EXT1: variants seen among roughly 807,000 people sequenced by gnomAD.
The protein encoded by EXT1 is exostosin-1.
A neutral mutation model predicts 82.5 loss-of-function variants in EXT1; 20 were observed. That is an observed-to-expected ratio of 0.24 (90% CI 0.17 to 0.35). The LOEUF (loss-of-function observed/expected upper bound fraction) is 0.35, where lower values mean the gene tolerates loss of function less well. EXT1 is among the 10% of genes least tolerant of loss of function. EXT1 has a pLI of 1.00. For missense variants in EXT1, 757 were observed against 936.5 expected (o/e 0.81, Z 2.50); for synonymous variants, 348 against 350.8 (o/e 0.99, Z 0.09).
At chr8:117,956,128 CA>C (rs1283497829) in intron 1 of EXT1, among the ~76,000 whole-genome samples, 1 of 151,400 alleles carries the variant, frequency 6.6e-6, no homozygotes, top group African/African-American at 2.4e-5. Flanking sequence ...GACAACAACA[CA>C]CACAGGAAAA....
intron 8 of EXT1, among the ~76,000 whole-genome samples, chr8:117,812,462 T>C (rs1823341441): frequency 6.6e-6 from 1 of 152,158 alleles, no homozygotes; most frequent in South Asian, 2.1e-4. Context: ...GTCTCCTAAC[T>C]GAGGCAATAG....
At chr8:117,810,309 A>G (rs1403204694) in intron 8 of EXT1, among the ~76,000 whole-genome samples, 1 of 152,190 alleles carries the variant, frequency 6.6e-6, no homozygotes, top group African/African-American at 2.4e-5. Context: ...CTATTCACCT[A>G]AAAAAAGAGA....
chr8:118,110,089 C>G lies in EXT1; in HGVS notation c.958G>C (p.Glu320Gln), dbSNP rs1483996169. 1 of 1,614,072 alleles carries G rather than the reference C, an allele frequency of 6.2e-7. No homozygotes were observed. ...SRCDRDNTEYEKYDYREMLHN... is the reference protein window; with the variant it reads ...SRCDRDNTEYQKYDYREMLHN... ...CACGCCAGCCCAGACACTTACTTCT[C>G]ATACTCGGTGTTGTCTCTGTCACAG... Residue 320 changes from glutamate to glutamine, a missense_variant, in exon 1 of 11, where the codon GAG becomes CAG. This residue lies in a region of EXT1 where 247 missense variants were observed against 330.1 expected (regional missense o/e 0.75). Transcript: ENST00000378204.
Position 117,812,258 on chromosome 8 carries a change from T to C in EXT1, c.1722+614A>G, listed in dbSNP as rs367681186. Among the ~76,000 whole-genome samples, 3 of 152,322 alleles carry C rather than the reference T, an allele frequency of 2.0e-5. No homozygotes were observed. The South Asian group carries it at 6.2e-4, about 32-fold the overall frequency. ...AGTTGTAAAAATTGGTTTTCTACCA[T>C]ATCTATCTTTCCTCCTCTCTCTCTC... is the stretch of plus-strand genomic sequence containing the variant. On this transcript the variant is annotated intron_variant, in intron 8 of 10. Transcript: ENST00000378204.
chr8:117,816,992 G>GC (rs1811832839), intron 7 of EXT1, among the ~76,000 whole-genome samples: 1 of 123,254 alleles, frequency 8.1e-6, no homozygotes, highest in African/African-American at 3.9e-5. Flanking sequence ...GCTATTCTAT[G>GC]GGGGGGATGG....
At chr8:117,821,563 G>A (rs1811924846) in intron 5 of EXT1, among the ~76,000 whole-genome samples, 1 of 152,200 alleles carries the variant, frequency 6.6e-6, no homozygotes, top group Non-Finnish European at 1.5e-5. Flanking sequence ...GTTTGGTTTG[G>A]ATTAAAAGGT....
chr8:117,872,824 G>GAAAAAAAAAAAAAAA (rs1171262675), intron 1 of EXT1, among the ~76,000 whole-genome samples: 1 of 87,426 alleles, frequency 1.1e-5, no homozygotes, highest in Non-Finnish European at 2.5e-5. Flanking sequence ...CTGAAGCAGA[G>GAAAAAAAAAAAAAAA]AAAAAAAAAA....
intron 1 of EXT1, among the ~76,000 whole-genome samples, chr8:117,985,930 T>C (rs1815307116): frequency 6.6e-6 from 1 of 152,212 alleles, no homozygotes; most frequent in African/African-American, 2.4e-5. Flanking sequence ...TGCACTGTTC[T>C]TCAACTTCAA....
intron 1 of EXT1, among the ~76,000 whole-genome samples, chr8:117,892,998 G>C (rs561469430): frequency 6.6e-6 from 1 of 152,352 alleles, no homozygotes; most frequent in South Asian, 2.1e-4. Flanking sequence ...CAAAATATCA[G>C]CATGATCTTC....
intron 1 of EXT1, among the ~76,000 whole-genome samples, chr8:118,067,281 C>T (rs2129955620): frequency 6.6e-6 from 1 of 152,348 alleles, no homozygotes; most frequent in African/African-American, 2.4e-5. Flanking sequence ...AGTACCTATA[C>T]CACCTCCAAC....
chr8:117,852,713 G>A (rs566617866), intron 1 of EXT1, among the ~76,000 whole-genome samples: 51 of 152,170 alleles, frequency 3.4e-4, no homozygotes, highest in Admixed American at 1.5e-3. Context: ...AATACTGCAG[G>A]AGACAATGAG....
At chr8:117,858,811 AGG>A (rs1353851591) in intron 1 of EXT1, among the ~76,000 whole-genome samples, 202 of 13,430 alleles carry the variant, frequency 0.015, 16 homozygotes, top group African/African-American at 0.053. Context: ...AAGGCAAGGC[AGG>A]AAGGAAGGAA....
intron 1 of EXT1, among the ~76,000 whole-genome samples, chr8:118,035,297 G>A (rs1250925567): frequency 6.6e-6 from 1 of 152,032 alleles, no homozygotes; most frequent in Non-Finnish European, 1.5e-5. Context: ...GTCGGTGTGC[G>A]GTAGGCCTGC....
At chr8:118,031,470 A>T (rs1320205959) in intron 1 of EXT1, among the ~76,000 whole-genome samples, 1 of 151,936 alleles carries the variant, frequency 6.6e-6, no homozygotes, top group Admixed American at 6.6e-5. Context: ...GGTTGCAGTG[A>T]GCTGAGATCG....
intron 3 of EXT1, among the ~76,000 whole-genome samples, chr8:117,833,442 C>G (rs968105637): frequency 2.0e-5 from 3 of 152,052 alleles, no homozygotes; most frequent in African/African-American, 7.3e-5. Context: ...TGGTGAAACA[C>G]CATCTCTACT....
intron 1 of EXT1, among the ~76,000 whole-genome samples, chr8:118,084,844 A>G (rs1349431983): frequency 6.6e-6 from 1 of 152,202 alleles, no homozygotes; most frequent in Admixed American, 6.5e-5. Context: ...AGACTGGCCT[A>G]ATGTACTCAA....
In EXT1 at chr8:118,111,516, G is replaced by A; in HGVS notation, c.-470C>T. ...CACCACTCTCCGTGCAGAGCACTCC[G>A]GTTCCAACAAGTCAGCCGATCCCGG... On this transcript the variant is annotated 5_prime_UTR_variant, in exon 1 of 11. Transcript: ENST00000378204. 1 of 463,344 alleles carries A rather than the reference G, an allele frequency of 2.2e-6. No individual in the cohort carries two copies. The highest frequency in any genetic ancestry group is 3.2e-5 in the East Asian group (1 of 31,644). 28.7% of individuals were successfully genotyped at this position (463,344 alleles called of 1,614,324 possible). A position where few individuals can be genotyped will look rare whatever the true frequency, so the allele number is the denominator to read the frequency against.
At chr8:118,015,187 C>T (rs559836204) in intron 1 of EXT1, among the ~76,000 whole-genome samples, 2 of 152,336 alleles carry the variant, frequency 1.3e-5, no homozygotes, top group East Asian at 3.9e-4. Flanking sequence ...ACTGCTGGAT[C>T]AGTAAGCTGC....
intron 1 of EXT1, among the ~76,000 whole-genome samples, chr8:118,091,011 A>G (rs990699771): frequency 2.6e-5 from 4 of 151,964 alleles, no homozygotes; most frequent in East Asian, 1.9e-4. Context: ...CCTTCCTTCA[A>G]TGGGGCAGCT....
Sources: allele counts gnomAD v4.1 joint callset (sites outside exome capture counted in the v4.1 genomes callset), GRCh38; gene constraint gnomAD v4.1.1; regional missense constraint gnomAD v4.1.1; transcripts MANE v1.5; gene names NCBI Gene and HGNC (gene_info 2026-07-23, HGNC 2026-07-21).